Variants in AGBL4 observed in about 807,000 individuals in gnomAD.
The protein encoded by AGBL4 is cytosolic carboxypeptidase 6.
AGBL4 carries 58 observed loss-of-function variants against 66.4 expected under a neutral mutation model. That is an observed-to-expected ratio of 0.87 (90% CI 0.71 to 1.09). The LOEUF is 1.09. Among genes scored for constraint, AGBL4 ranks in the 50% least tolerant of loss-of-function variants. AGBL4 has a pLI of 0.00. For missense variants in AGBL4, 579 were observed against 631.0 expected (o/e 0.92, Z 0.88); for synonymous variants, 234 against 222.9 (o/e 1.05, Z -0.44).
At chr1:48,834,484 T>C (rs371762513) in intron 6 of AGBL4, among the ~76,000 whole-genome samples, 6 of 152,184 alleles carry the variant, frequency 3.9e-5, no homozygotes, top group African/African-American at 1.4e-4. Context: ...GTAAGGCCTT[T>C]GGGAGGTCTT....
intron 9 of AGBL4, among the ~76,000 whole-genome samples, chr1:48,596,945 C>CT (rs1425773174): frequency 4.6e-5 from 7 of 152,282 alleles, no homozygotes; most frequent in African/African-American, 1.7e-4. Context: ...GGGCACTTCA[C>CT]CTCCTGCCTC....
At chr1:48,934,734 C>A (rs952271833) in intron 5 of AGBL4, among the ~76,000 whole-genome samples, 2 of 152,168 alleles carry the variant, frequency 1.3e-5, no homozygotes, top group East Asian at 3.9e-4. Flanking sequence ...ATCCTTCAGA[C>A]CATTCCCCTC....
At chr1:49,002,277 G>A (rs1661449534) in intron 5 of AGBL4, among the ~76,000 whole-genome samples, 1 of 152,182 alleles carries the variant, frequency 6.6e-6, no homozygotes, top group African/African-American at 2.4e-5. Flanking sequence ...CACCTAGGAT[G>A]ACTAACATGG....
intron 2 of AGBL4, among the ~76,000 whole-genome samples, chr1:49,722,089 T>C (rs910815054): frequency 5.9e-5 from 9 of 152,056 alleles, no homozygotes; most frequent in African/African-American, 2.2e-4. Flanking sequence ...CAAGGGCCCT[T>C]GTGAGGGTTG....
chr1:49,004,606 C>CA (rs1235454920), intron 5 of AGBL4, among the ~76,000 whole-genome samples: 3 of 152,112 alleles, frequency 2.0e-5, no homozygotes, highest in Non-Finnish European at 4.4e-5. Context: ...AATTAGTTCA[C>CA]AATCTAGCAG....
intron 5 of AGBL4, among the ~76,000 whole-genome samples, chr1:48,935,559 A>G (rs953370271): frequency 2.0e-5 from 3 of 152,082 alleles, no homozygotes; most frequent in Non-Finnish European, 4.4e-5. Context: ...ACCTGACTTC[A>G]TCTCTCAGTT....
chr1:49,550,736 C>T (rs1652889029), intron 3 of AGBL4, among the ~76,000 whole-genome samples: 2 of 152,146 alleles, frequency 1.3e-5, no homozygotes, highest in African/African-American at 4.8e-5. Flanking sequence ...TCTTAAGATT[C>T]TTTCCTTCAT....
At chr1:49,912,807 G>T (rs1306022907) in intron 1 of AGBL4, among the ~76,000 whole-genome samples, 1 of 152,146 alleles carries the variant, frequency 6.6e-6, no homozygotes, top group African/African-American at 2.4e-5. Flanking sequence ...GCCACATCTG[G>T]TGAGGATAAT....
chr1:48,827,535 C>T (rs896857458), intron 6 of AGBL4, among the ~76,000 whole-genome samples: 4 of 152,196 alleles, frequency 2.6e-5, no homozygotes, highest in Admixed American at 2.6e-4. Context: ...CTATCGTTTT[C>T]TTGGCTCTCA....
intron 3 of AGBL4, among the ~76,000 whole-genome samples, chr1:49,495,729 TA>T (rs1307345780): frequency 6.6e-6 from 1 of 151,762 alleles, no homozygotes; most frequent in Admixed American, 6.6e-5. Flanking sequence ...CACATTGATT[TA>T]AAAAAAGGGG....
At chr1:50,001,386 G>T (rs1660737280) in intron 1 of AGBL4, among the ~76,000 whole-genome samples, 1 of 150,924 alleles carries the variant, frequency 6.6e-6, no homozygotes, top group Admixed American at 6.6e-5. Flanking sequence ...TACATCTCTG[G>T]TGAATTTTTT....
At chr1:48,604,108 G>A (rs993165550) in intron 9 of AGBL4, among the ~76,000 whole-genome samples, 1 of 151,712 alleles carries the variant, frequency 6.6e-6, no homozygotes, top group African/African-American at 2.4e-5. Context: ...ACTACAGCCT[G>A]GGCTACGGAG....
At chr1:49,666,501 G>A (rs886211996) in intron 3 of AGBL4, among the ~76,000 whole-genome samples, 2 of 151,962 alleles carry the variant, frequency 1.3e-5, no homozygotes, top group Admixed American at 1.3e-4. Flanking sequence ...GGGAGGTGGA[G>A]GTTGCAGTGA....
intron 6 of AGBL4, among the ~76,000 whole-genome samples, chr1:48,669,647 C>A (rs1450306379): frequency 6.6e-6 from 1 of 152,172 alleles, no homozygotes; most frequent in Non-Finnish European, 1.5e-5. Context: ...ATTTTCCTAA[C>A]TCCTCCCCAA....
At chr1:49,173,783 G>C (rs1193615848) in intron 4 of AGBL4, among the ~76,000 whole-genome samples, 2 of 152,022 alleles carry the variant, frequency 1.3e-5, no homozygotes, top group African/African-American at 4.8e-5. Flanking sequence ...TGGATCTCTT[G>C]GAAGAGCTTC....
At chr1:49,939,516 T>C (rs1654507335) in intron 1 of AGBL4, among the ~76,000 whole-genome samples, 1 of 151,476 alleles carries the variant, frequency 6.6e-6, no homozygotes, top group East Asian at 1.9e-4. Context: ...TATAGATCAA[T>C]GGAACAGAAC....
At chr1:49,767,500 G>T (rs534092795) in intron 2 of AGBL4, among the ~76,000 whole-genome samples, 1 of 151,986 alleles carries the variant, frequency 6.6e-6, no homozygotes, top group South Asian at 2.1e-4. Context: ...CCTACATCAA[G>T]AAGTTAGATA....
chr1:48,641,198 T>C (rs548145850), intron 8 of AGBL4, among the ~76,000 whole-genome samples: 1 of 152,302 alleles, frequency 6.6e-6, no homozygotes, highest in African/African-American at 2.4e-5. Flanking sequence ...AAGGTTGGGA[T>C]TCAATTGCCC....
intron 6 of AGBL4, among the ~76,000 whole-genome samples, chr1:48,708,037 A>G (rs1646908104): frequency 2.6e-5 from 4 of 152,106 alleles, no homozygotes. Context: ...TATTGTTGCC[A>G]TTTTTCAGAT....
Sources: allele counts gnomAD v4.1 joint callset (sites outside exome capture counted in the v4.1 genomes callset), GRCh38; gene constraint gnomAD v4.1.1; transcripts MANE v1.5; gene names NCBI Gene and HGNC (gene_info 2026-07-23, HGNC 2026-07-21).